SYNE2: variants seen among roughly 807,000 people sequenced by gnomAD.
SYNE2 encodes the protein nesprin-2.
A neutral mutation model predicts 856.3 loss-of-function variants in SYNE2; 431 were observed. That is an observed-to-expected ratio of 0.50 (90% CI 0.47 to 0.55). SYNE2 has a LOEUF of 0.55. SYNE2 is among the 20% of genes least tolerant of loss of function. SYNE2 has a pLI of 0.00. For missense variants in SYNE2, 8,129 were observed against 8,023.2 expected (o/e 1.01, Z -0.50); for synonymous variants, 2,923 against 2,872.3 (o/e 1.02, Z -0.56).
chr14:63,772,249 G>A (rs903181021), intron 1 of SYNE2, among the ~76,000 whole-genome samples: 1 of 152,072 alleles, frequency 6.6e-6, no homozygotes, highest in African/African-American at 2.4e-5. Flanking sequence ...AGCTACTTGG[G>A]GGGCTGAGGT....
At chr14:64,211,502 T>C (rs556108649) in intron 103 of SYNE2, among the ~76,000 whole-genome samples, 6 of 152,354 alleles carry the variant, frequency 3.9e-5, no homozygotes, top group African/African-American at 1.4e-4. Flanking sequence ...GCCTCAATCC[T>C]GATATCAAGG....
At chr14:64,165,523 T>TG (rs1162770741) in intron 90 of SYNE2, 113 bp downstream of exon 90, 31 of 1,282,638 alleles carry the variant, frequency 2.4e-5, no homozygotes, top group Admixed American at 5.5e-5. Flanking sequence ...CTCTTATTTT[T>TG]TTTTTTTGAG....
intron 78 of SYNE2, 26 bp downstream of exon 78, chr14:64,134,226 A>C: frequency 6.2e-7 from 1 of 1,612,968 alleles, no homozygotes; most frequent in East Asian, 2.2e-5. Flanking sequence ...TTAAGTTATC[A>C]AAGGCGTGTC....
rs764474477 is a variant in SYNE2 at position 64,165,333 on chromosome 14, A to C, written c.16528A>C (p.Lys5510Gln). 7 of 1,613,886 alleles carry C rather than the reference A, an allele frequency of 4.3e-6. No individual in the cohort carries two copies. The highest frequency in any genetic ancestry group is 5.9e-6 in the Non-Finnish European group (7 of 1,179,924). Residue 5510 changes from lysine (K) to glutamine (Q), a missense_variant, in exon 90 of 116, where the codon AAA becomes CAA. Transcript: ENST00000555002. Reference sequence around the variant, plus strand: ...TTTTGGAGTCCGGCTGGAATCTTTAAAAGGTCTTATTATGCATGAAGAAGA... The same window carrying C: ...TTTTGGAGTCCGGCTGGAATCTTTACAAGGTCTTATTATGCATGAAGAAGA... ...KDFGVRLESLKGLIMHEEENL... is the reference protein window; with the variant it reads ...KDFGVRLESLQGLIMHEEENL...
At chr14:63,919,538 A>G (rs2095571937) in intron 2 of SYNE2, among the ~76,000 whole-genome samples, 1 of 152,150 alleles carries the variant, frequency 6.6e-6, no homozygotes, top group African/African-American at 2.4e-5. Flanking sequence ...GGTGGACTGA[A>G]TGAGATCACC....
chr14:63,788,694 T>G lies in SYNE2; in HGVS notation c.-305+26708T>G, dbSNP rs1050705948. The stretch of plus-strand genomic sequence containing the variant: ...GGCGTCCCGCTGCCTCCACGGAGCA[T>G]GCAGCCCCAGCCGCACCTCCCCACT... On this transcript the variant is annotated intron_variant, in intron 1 of 23. Transcript: ENST00000674003. Among the ~76,000 whole-genome samples, 30 of 152,218 alleles carry G rather than the reference T, an allele frequency of 2.0e-4. 1 individual carries two copies. Among genetic ancestry groups the G allele is most frequent in the Admixed American group, 1.7e-3 (26 of 15,282 alleles).
At chr14:64,087,426 A>G (rs995376700) in intron 57 of SYNE2, 2 of 657,384 alleles carry the variant, frequency 3.0e-6, no homozygotes, top group East Asian at 3.3e-5. Flanking sequence ...AAGGATTCCA[A>G]GTGTTTTAGA....
chr14:63,848,744 A>G (rs116635782), upstream of SYNE2, among the ~76,000 whole-genome samples: 766 of 152,342 alleles, frequency 5.0e-3, 4 homozygotes, highest in African/African-American at 0.018. Flanking sequence ...TGCTTTTGAA[A>G]TGATACTCTT....
At chr14:64,180,214 A>G (rs1044531463) in intron 96 of SYNE2, among the ~76,000 whole-genome samples, 6 of 152,146 alleles carry the variant, frequency 3.9e-5, no homozygotes, top group African/African-American at 4.8e-5. Flanking sequence ...TTTAATATCA[A>G]ACTGTCTTGA....
intron 2 of SYNE2, among the ~76,000 whole-genome samples, chr14:63,937,048 G>A (rs1475140771): frequency 6.6e-6 from 1 of 152,170 alleles, no homozygotes; most frequent in Non-Finnish European, 1.5e-5. Context: ...ATCTATATCA[G>A]ATGCTGCTGA....
intron 8 of SYNE2, chr14:63,960,947 A>G (rs944627094): frequency 9.2e-6 from 5 of 542,882 alleles, no homozygotes; most frequent in Non-Finnish European, 6.6e-6. Context: ...AGCATTTTAC[A>G]AACTTATTTC....
At chr14:64,190,966 C>G (rs1255988) in intron 99 of SYNE2, 8 of 702,040 alleles carry the variant, frequency 1.1e-5, no homozygotes, top group Non-Finnish European at 2.1e-5. Context: ...TACAGCGAAC[C>G]GTCACTTGGC....
chr14:64,016,602 G>A lies in SYNE2; in HGVS notation c.4858G>A (p.Ala1620Thr), dbSNP rs1312362672. 4 of 1,599,972 alleles carry A rather than the reference G, an allele frequency of 2.5e-6. No homozygotes were observed. Among genetic ancestry groups the A allele is most frequent in the Non-Finnish European group, 3.4e-6 (4 of 1,171,036 alleles). ...TGAAGAGCCCCCTTTTGAAAAAGAG[G>A]CTAATATTATTGTGGATAGATGGCT... Reference protein sequence around the residue: ...TFEEPPFEKEANIIVDRWLDI... With the variant: ...TFEEPPFEKETNIIVDRWLDI... The change falls in exon 33 of 116, where the codon GCT (alanine) becomes ACT (threonine). Residue 1620 changes from alanine to threonine, a missense_variant. Ala to Thr is a moderately conservative substitution (Grantham distance 58). Coordinates refer to ENST00000555002, the MANE Select transcript of SYNE2 (RefSeq NM_182914.3).
chr14:63,897,690 C>T (rs2095275431), intron 1 of SYNE2, among the ~76,000 whole-genome samples: 1 of 152,190 alleles, frequency 6.6e-6, no homozygotes, highest in African/African-American at 2.4e-5. Context: ...TTCAGCTGCC[C>T]TCACAATCCT....
chr14:63,903,059 C>CT (rs1450311634), intron 1 of SYNE2, among the ~76,000 whole-genome samples: 1 of 152,064 alleles, frequency 6.6e-6, no homozygotes, highest in Non-Finnish European at 1.5e-5. Context: ...TGGAACTTTT[C>CT]TTTTCTACTC....
rs141064902 is a variant in SYNE2 at position 63,791,331 on chromosome 14, C to G, written c.-305+29345C>G. Among the ~76,000 whole-genome samples the G allele has an allele frequency of 1.1e-4, 17 of 152,262 alleles. No homozygotes were observed. The East Asian group carries it at 3.3e-3, about 29-fold the overall frequency. On this transcript the variant is annotated intron_variant, in intron 1 of 23. Coordinates refer to the SYNE2 transcript ENST00000674003. ...CCTCATTACTGTTAGAAAGGTCTAA[C>G]TGAAATGCAAATGTAACAACATTTC...
rs754277465 is a variant in SYNE2 at position 64,130,261 on chromosome 14, C to T, written c.14340+13C>T. Reference sequence around the variant, plus strand: ...AGAAAATCACAAGGTGAGACAGACACATGGGTCGGGTGACCCCTTCATAGA... The same window carrying T: ...AGAAAATCACAAGGTGAGACAGACATATGGGTCGGGTGACCCCTTCATAGA... On this transcript the variant is annotated intron_variant, in intron 76 of 115. Transcript: ENST00000555002. 2 of 1,607,118 alleles carry T rather than the reference C, an allele frequency of 1.2e-6. No homozygotes were observed. The highest frequency in any genetic ancestry group is 2.7e-5 in the African/African-American group (2 of 74,612).
intron 1 of SYNE2, among the ~76,000 whole-genome samples, chr14:63,823,366 G>A (rs1407155319): frequency 1.3e-5 from 2 of 151,824 alleles, no homozygotes; most frequent in East Asian, 1.9e-4. Context: ...TAGTAGAGAC[G>A]GGTTTTCATC....
chr14:64,142,109 G>A (rs1220969639), intron 82 of SYNE2, 21 bp downstream of exon 82: 2 of 1,613,828 alleles, frequency 1.2e-6, no homozygotes, highest in East Asian at 2.2e-5. Context: ...AAAAGGAGCA[G>A]AAGTCTTTTC....
Sources: allele counts gnomAD v4.1 joint callset (sites outside exome capture counted in the v4.1 genomes callset), GRCh38; gene constraint gnomAD v4.1.1; transcripts MANE v1.5; gene names NCBI Gene and HGNC (gene_info 2026-07-23, HGNC 2026-07-21).